HDAC11: variants seen among roughly 807,000 people sequenced by gnomAD.
The protein encoded by HDAC11 is histone deacetylase 11.
In HDAC11, 23 loss-of-function variants were observed where a neutral mutation model predicts 41.1. That is an observed-to-expected ratio of 0.56 (90% confidence interval 0.40 to 0.79). HDAC11 has a LOEUF of 0.79. Ranked by LOEUF, HDAC11 falls within the 30% of genes least tolerant of loss-of-function variation. The pLI, the probability that HDAC11 is intolerant of heterozygous loss-of-function variation, is 0.00. For synonymous variants in HDAC11, 187 were observed against 186.6 expected (o/e 1.00, Z -0.02); for missense variants, 402 against 477.3 (o/e 0.84, Z 1.47).
Position 13,504,915 on chromosome 3 carries a change from A to G in HDAC11, c.*232A>G, listed in dbSNP as rs1702550398. ...CAGAGCCTGTGTCCCAGGGGGACCC[A>G]CACGAAGTCACCAGCCCATAGGTCC... On this transcript the variant is annotated 3_prime_UTR_variant, in exon 10 of 10. Transcript: ENST00000295757. The G allele has an allele frequency of 1.7e-6, 1 of 587,514 alleles. No homozygotes were observed. Among genetic ancestry groups the G allele is most frequent in the East Asian group, 2.9e-5 (1 of 35,036 alleles). The allele number at this position is 587,514 out of a possible 1,614,324, so 36.4% of individuals were successfully genotyped here.
Position 13,504,202 on chromosome 3 carries a change from T to C in HDAC11, c.758T>C (p.Val253Ala). 6.2e-7 allele frequency: 1 copy of C among 1,613,792 alleles called. No individual in the cohort carries two copies. Among genetic ancestry groups the C allele is most frequent in the Non-Finnish European group, 8.5e-7 (1 of 1,180,000 alleles). Residue 253 changes from valine to alanine, a missense_variant, in exon 9 of 10, where the codon GTG (valine) becomes GCG (alanine). Transcript: ENST00000295757. ...TCCCTCCAGGAGCACCTGCCCGACG[T>C]GGTGGTATACAATGCAGGCACCGAC... ...KKSLQEHLPD[V>A]VVYNAGTDIL...
intron 4 of HDAC11, among the ~76,000 whole-genome samples, chr3:13,497,564 G>A (rs970362243): frequency 1.3e-5 from 2 of 152,178 alleles, no homozygotes; most frequent in Non-Finnish European, 2.9e-5. Flanking sequence ...CACTGCGGGT[G>A]TGGCAACAAA....
At chr3:13,483,690 T>C (rs552549982) in intron 3 of HDAC11, 126 bp downstream of exon 3, 1 of 702,316 alleles carries the variant, frequency 1.4e-6, no homozygotes, top group East Asian at 2.5e-5. Context: ...TTCATGTCCC[T>C]AGTGTTGGAG....
At chr3:13,500,566 C>CTT in intron 5 of HDAC11, 147 bp from the exon 6 acceptor site, 2 of 653,532 alleles carry the variant, frequency 3.1e-6, no homozygotes, top group East Asian at 5.7e-5. Context: ...CCCCAGCACT[C>CTT]AGCTTAGTTT....
chr3:13,500,466 A>G (rs983048960), intron 5 of HDAC11, among the ~76,000 whole-genome samples: 1 of 152,286 alleles, frequency 6.6e-6, no homozygotes, highest in African/African-American at 2.4e-5. Context: ...ATGATGAGCT[A>G]TCTGTTGCTT....
At chr3:13,492,407 C>T (rs922344207) in intron 3 of HDAC11, among the ~76,000 whole-genome samples, 2 of 152,210 alleles carry the variant, frequency 1.3e-5, no homozygotes, top group African/African-American at 2.4e-5. Context: ...AGTGAGCAGA[C>T]GCGTGCTGTC....
rs746625464 is a variant in HDAC11, at chr3:13,498,576, C to T, written c.412+21C>T. 14 of 1,451,032 alleles carry T rather than the reference C, an allele frequency of 9.6e-6. No individual in the cohort carries two copies. The East Asian group carries it at 9.9e-5, about 10-fold the overall frequency. The allele number at this position is 1,451,032 out of a possible 1,614,324, so 89.9% of individuals were successfully genotyped here. ...CGTGGGTGAGTGCTGGGAATGTCCT[C>T]GGGAATGTCCAGCCCGGCTTGGTGG... is the stretch of plus-strand genomic sequence containing the variant. On this transcript the variant is annotated intron_variant, in intron 5 of 9. Coordinates refer to ENST00000295757, the MANE Select transcript of HDAC11 (RefSeq NM_024827.4).
rs1042681748 is a variant in HDAC11 at position 13,506,172 on chromosome 3, C to T, written c.*1489C>T. 3.9e-5 allele frequency: 6 copies of T among 152,248 alleles called. No individual in the cohort carries two copies. Among genetic ancestry groups the T allele is most frequent in the African/African-American group, 1.2e-4 (5 of 41,448 alleles). 9.4% of individuals were successfully genotyped at this position (152,248 alleles called of 1,614,324 possible). A position where few individuals can be genotyped will look rare whatever the true frequency, so the allele number is the denominator to read the frequency against. On this transcript the variant is annotated 3_prime_UTR_variant, in exon 10 of 10. Transcript: ENST00000295757. ...GTTGGTCTCTGTCGCTGACTCGAGG[C>T]ACCTAACATCCATTCACACCCAACA... is the stretch of plus-strand genomic sequence containing the variant.
At chr3:13,486,370 T>A (rs997603132) in intron 3 of HDAC11, among the ~76,000 whole-genome samples, 7 of 151,358 alleles carry the variant, frequency 4.6e-5, no homozygotes, top group Non-Finnish European at 8.8e-5. Context: ...ACAGCAGGGC[T>A]CTCTGCCACC....
At chr3:13,490,758 T>C (rs1701821408) in intron 3 of HDAC11, among the ~76,000 whole-genome samples, 1 of 137,630 alleles carries the variant, frequency 7.3e-6, no homozygotes, top group Non-Finnish European at 1.6e-5. Context: ...TTTTTTTTTT[T>C]TTTTTTTTTT....
intron 3 of HDAC11, among the ~76,000 whole-genome samples, chr3:13,494,799 C>G (rs950661018): frequency 7.2e-5 from 11 of 152,154 alleles, no homozygotes; most frequent in African/African-American, 2.7e-4. Context: ...GTGCCTGGCA[C>G]CCCCAGGACT....
In HDAC11 at chr3:13,503,623, A is replaced by G. The variant is rs1462674157; in HGVS notation, c.650-471A>G. The stretch of plus-strand genomic sequence containing the variant: ...AAATGAAAATGCATTAAACTCATCA[A>G]TCAAAAGGCAGAGACTCTCAGATGA... On this transcript the variant is annotated intron_variant, in intron 8 of 9. Transcript: ENST00000295757. Among the ~76,000 whole-genome samples the G allele has an allele frequency of 2.0e-5, 3 of 152,242 alleles. No individual in the cohort carries two copies. In the East Asian group the frequency reaches 5.8e-4, roughly 29 times the overall value.
chr3:13,489,520 A>G (rs1043279136), intron 3 of HDAC11, among the ~76,000 whole-genome samples: 9 of 152,204 alleles, frequency 5.9e-5, no homozygotes, highest in Non-Finnish European at 1.2e-4. Context: ...TCAACTGGCC[A>G]TAGATGTATG....
In HDAC11 at chr3:13,496,762, A is replaced by G. The variant is rs765985476; in HGVS notation, c.279A>G (p.Thr93=). The G allele has an allele frequency of 6.2e-7, 1 of 1,607,520 alleles. No homozygotes were observed. Among genetic ancestry groups the G allele is most frequent in the Admixed American group, 1.7e-5 (1 of 59,200 alleles). ...GGTCCTTTGCTGTTGCTACCATCAC[A>G]GAAATCCCCCCCGTTATCTTCCTCC... is the stretch of plus-strand genomic sequence containing the variant. ...LKWSFAVATI[T]EIPPVIFLPN... The change falls in exon 4 of 10, where the codon ACA becomes ACG. Residue 93 remains threonine, a synonymous_variant. Transcript: ENST00000295757.
intron 4 of HDAC11, among the ~76,000 whole-genome samples, chr3:13,497,996 C>T (rs1394742851): frequency 2.0e-5 from 3 of 151,516 alleles, no homozygotes; most frequent in South Asian, 2.1e-4. Context: ...GCTGGGATTA[C>T]AGGCACACGC....
chr3:13,504,203 G>A lies in HDAC11; in HGVS notation c.759G>A (p.Val253=). ...KKSLQEHLPD[V]VVYNAGTDIL... is the part of the protein sequence containing the mutation. Reference sequence around the variant, plus strand: ...CCCTCCAGGAGCACCTGCCCGACGTGGTGGTATACAATGCAGGCACCGACA... The same window carrying A: ...CCCTCCAGGAGCACCTGCCCGACGTAGTGGTATACAATGCAGGCACCGACA... Residue 253 remains valine, a synonymous_variant, in exon 9 of 10, where the codon GTG becomes GTA. Transcript: ENST00000295757. 1 of 1,613,958 alleles carries A rather than the reference G, an allele frequency of 6.2e-7. No homozygotes were observed. The highest frequency in any genetic ancestry group is 8.5e-7 in the Non-Finnish European group (1 of 1,180,022).
At position 13,505,750 on chromosome 3, in the gene HDAC11, C is replaced by T. The variant is rs1702593731; in HGVS notation, c.*1067C>T. Reference sequence around the variant, plus strand: ...GGGTGGGACTGTGGCCTCCACTGGCCTCACCAAAGTGCCTGGGCCCCAATC... The same window carrying T: ...GGGTGGGACTGTGGCCTCCACTGGCTTCACCAAAGTGCCTGGGCCCCAATC... On this transcript the variant is annotated 3_prime_UTR_variant, in exon 10 of 10. Transcript: ENST00000295757. 6.6e-6 allele frequency: 1 copy of T among 152,314 alleles called. No homozygotes were observed. Among genetic ancestry groups the T allele is most frequent in the African/African-American group, 2.4e-5 (1 of 41,428 alleles). 9.4% of individuals were successfully genotyped at this position (152,314 alleles called of 1,614,324 possible).
At chr3:13,496,357 C>G (rs1702095832) in intron 3 of HDAC11, among the ~76,000 whole-genome samples, 1 of 152,214 alleles carries the variant, frequency 6.6e-6, no homozygotes, top group African/African-American at 2.4e-5. Flanking sequence ...TCAGTGTCCC[C>G]TTCTGTACAG....
intron 3 of HDAC11, among the ~76,000 whole-genome samples, chr3:13,493,855 A>T (rs1353558661): frequency 1.3e-5 from 2 of 152,214 alleles, no homozygotes; most frequent in African/African-American, 2.4e-5. Context: ...GTCAGGTCCA[A>T]TCTGTGGAGG....
Sources: gnomAD v4.1 joint callset for allele counts (sites outside exome capture counted in the v4.1 genomes callset) on GRCh38, gnomAD v4.1.1 for gene constraint, MANE v1.5 for transcripts, NCBI Gene and HGNC (gene_info 2026-07-23, HGNC 2026-07-21) for gene names.